Variants in WDR33 observed in about 807,000 individuals in gnomAD.
WDR33 encodes the protein pre-mRNA 3' end processing protein WDR33.
A neutral mutation model predicts 164.9 loss-of-function variants in WDR33; 47 were observed. That is an observed-to-expected ratio of 0.29 (90% CI 0.23 to 0.36). WDR33 has a LOEUF of 0.36. Among genes scored for constraint, WDR33 ranks in the 10% least tolerant of loss-of-function variants. WDR33 has a pLI of 1.00. For synonymous variants in WDR33, 505 were observed against 589.0 expected, an observed-to-expected ratio of 0.86 and a Z score of 2.06; for missense variants, 1,137 against 1,754.1, an observed-to-expected ratio of 0.65 and a Z score of 6.28.
In WDR33 at chr2:127,701,900, G is replaced by A; in HGVS notation, c.*4423C>T. 6.9e-7 allele frequency: 1 copy of A among 1,454,394 alleles called. No homozygotes were observed. The highest frequency in any genetic ancestry group is 9.0e-7 in the Non-Finnish European group (1 of 1,109,686). 90.1% of individuals were successfully genotyped at this position (1,454,394 alleles called of 1,614,324 possible). ...CGGCGCTGGCGTTGGCGGGAAGCGC[G>A]CTGCTGCGGGGCGGCGCGGCGTGCG... On this transcript the variant is annotated 3_prime_UTR_variant, in exon 22 of 22. Transcript: ENST00000322313.
Position 127,706,212 on chromosome 2 carries a change from A to G in WDR33, c.*111T>C. ...GGGTTCCTGGGATTCAGGTGCCCAG[A>G]AAAGAGTTCAGGGCTACAATGGTGC... On this transcript the variant is annotated 3_prime_UTR_variant, in exon 22 of 22. Transcript: ENST00000322313. The surrounding 1 kb of genome is among the most constrained non-coding windows in gnomAD (Gnocchi z 5.1). 9.7e-7 allele frequency: 1 copy of G among 1,028,066 alleles called. No homozygotes were observed. The highest frequency in any genetic ancestry group is 1.3e-6 in the Non-Finnish European group (1 of 743,996). 63.7% of individuals were successfully genotyped at this position (1,028,066 alleles called of 1,614,324 possible).
intron 7 of WDR33, among the ~76,000 whole-genome samples, chr2:127,731,728 T>C (rs899416343): frequency 2.0e-5 from 3 of 152,304 alleles, no homozygotes; most frequent in Middle Eastern, 6.8e-3. Flanking sequence ...TAGATTAGAA[T>C]GTATTTATTT....
chr2:127,798,987 A>G (rs1689144172), intron 1 of WDR33: 1 of 152,014 alleles, frequency 6.6e-6, no homozygotes, highest in South Asian at 2.1e-4. Flanking sequence ...ACCCACTACC[A>G]TCGGACCAGC....
In WDR33 at chr2:127,724,841, G is replaced by A. The variant is rs1558925304; in HGVS notation, c.1085+46C>T. 1.9e-6 allele frequency: 3 copies of A among 1,586,668 alleles called. No homozygotes were observed. Among genetic ancestry groups the A allele is most frequent in the South Asian group, 1.1e-5 (1 of 90,496 alleles). On this transcript the variant is annotated intron_variant, in intron 10 of 21. Coordinates refer to ENST00000322313, the MANE Select transcript of WDR33 (RefSeq NM_018383.5). The surrounding 1 kb of genome is among the most constrained non-coding windows in gnomAD (Gnocchi z 4.8). The stretch of plus-strand genomic sequence containing the variant: ...CTATCATGTCTGCACACATTCACGT[G>A]CTCTCTTCACAAAATACACTACTTT...
rs1385062281 is a variant in WDR33, at chr2:127,763,340, C to G, written c.627-181G>C. 1 of 1,421,240 alleles carries G rather than the reference C, an allele frequency of 7.0e-7. No homozygotes were observed. The highest frequency in any genetic ancestry group is 9.2e-7 in the Non-Finnish European group (1 of 1,089,682). The allele number at this position is 1,421,240 out of a possible 1,614,324, so 88.0% of individuals were successfully genotyped here. A position where few individuals can be genotyped will look rare whatever the true frequency, so the allele number is the denominator to read the frequency against. On this transcript the variant is annotated intron_variant, in intron 6 of 21. Transcript: ENST00000322313. This position sits in a 1 kb window ranked among gnomAD's most constrained non-coding sequence, Gnocchi z 4.5. ...ACATAGGCATCTCATCAAAAGAAGA[C>G]TTCAACAGAGCAGTTGTTTGAGTTT...
chr2:127,755,195 C>T (rs1418685433), intron 7 of WDR33, among the ~76,000 whole-genome samples: 1 of 152,196 alleles, frequency 6.6e-6, no homozygotes, highest in African/African-American at 2.4e-5. Flanking sequence ...TTAAGTTTAA[C>T]ATCAAAATAT....
At chr2:127,788,193 A>G (rs866443411) in intron 1 of WDR33, among the ~76,000 whole-genome samples, 174 of 70,434 alleles carry the variant, frequency 2.5e-3, no homozygotes, top group Non-Finnish European at 2.8e-3. Flanking sequence ...GGCCGGGCGG[A>G]GGGCTGACCC....
At chr2:127,767,736 A>AAAATT (rs1280075482) in intron 4 of WDR33, among the ~76,000 whole-genome samples, 2 of 152,168 alleles carry the variant, frequency 1.3e-5, no homozygotes, top group Non-Finnish European at 2.9e-5. Flanking sequence ...AAAATAAAAT[A>AAAATT]AAATTTCAGT....
chr2:127,773,709 T>C (rs1688087026), intron 1 of WDR33, among the ~76,000 whole-genome samples: 2 of 152,202 alleles, frequency 1.3e-5, no homozygotes, highest in Admixed American at 6.5e-5. Context: ...CCAATTTCAA[T>C]TACCAGCTTC....
At chr2:127,742,672 AAAT>A (rs1180872935) in intron 7 of WDR33, among the ~76,000 whole-genome samples, 1 of 151,942 alleles carries the variant, frequency 6.6e-6, no homozygotes, top group Non-Finnish European at 1.5e-5. Flanking sequence ...ATGTAAGAAA[AAAT>A]AATACTAGAT....
At chr2:127,800,542 CAGG>C (rs1351609787) in intron 1 of WDR33, among the ~76,000 whole-genome samples, 1 of 149,868 alleles carries the variant, frequency 6.7e-6, no homozygotes, top group African/African-American at 2.5e-5. Context: ...GAGGCTGAGG[CAGG>C]AGAATGGCAT....
intron 7 of WDR33, among the ~76,000 whole-genome samples, chr2:127,756,051 T>C (rs1331499740): frequency 6.6e-6 from 1 of 152,092 alleles, no homozygotes; most frequent in Non-Finnish European, 1.5e-5. Context: ...CATAAAAAAG[T>C]GGCCAGGCAC....
chr2:127,733,949 G>A (rs1446883548), intron 7 of WDR33, among the ~76,000 whole-genome samples: 1 of 152,014 alleles, frequency 6.6e-6, no homozygotes, highest in East Asian at 1.9e-4. Context: ...GAGGGGGCCC[G>A]GATTTTCTTC....
At position 127,734,271 on chromosome 2, in the gene WDR33, A is replaced by G. The variant is rs191732937; in HGVS notation, c.725-7494T>C. On this transcript the variant is annotated intron_variant, in intron 7 of 21. Coordinates refer to ENST00000322313, the MANE Select transcript of WDR33 (RefSeq NM_018383.5). ...AAGAAATTCCAAATTAATCACACTG[A>G]GTTATTTTTAGATATTAAGCATTGA... 1.5e-4 allele frequency among the ~76,000 whole-genome samples: 23 copies of G among 152,326 alleles called. No homozygotes were observed. In the East Asian group the frequency reaches 4.2e-3, roughly 28 times the overall value.
Position 127,726,085 on chromosome 2 carries a change from A to G in WDR33, c.851+566T>C, listed in dbSNP as rs896246171. On this transcript the variant is annotated intron_variant, in intron 8 of 21. Coordinates refer to ENST00000322313, the MANE Select transcript of WDR33 (RefSeq NM_018383.5). The surrounding 1 kb of genome is among the most constrained non-coding windows in gnomAD (Gnocchi z 4.8). ...TTGCTCCAACCAATTCACTCTGAAT[A>G]TGGTTCTCTTCCCAATCAGAAAGAC... Among the ~76,000 whole-genome samples, 1 of 152,334 alleles carries G rather than the reference A, an allele frequency of 6.6e-6. No homozygotes were observed. The highest frequency in any genetic ancestry group is 3.4e-3 in the Middle Eastern group (1 of 294).
In WDR33 at chr2:127,708,581, C is replaced by T. The variant is rs983981563; in HGVS notation, c.3781+96G>A. ...CCACATTTAGGAGCATGTGCCTCTG[C>T]ACAGCCCAGGCTGCAAGGGCATGTG... On this transcript the variant is annotated intron_variant, in intron 21 of 21. Transcript: ENST00000322313. The surrounding 1 kb of genome is among the most constrained non-coding windows in gnomAD (Gnocchi z 6.7). 27 of 1,378,720 alleles carry T rather than the reference C, an allele frequency of 2.0e-5. No homozygotes were observed. In the African/African-American group the frequency reaches 2.6e-4, roughly 13 times the overall value. The allele number at this position is 1,378,720 out of a possible 1,614,324, so 85.4% of individuals were successfully genotyped here. A position where few individuals can be genotyped will look rare whatever the true frequency, so the allele number is the denominator to read the frequency against.
At chr2:127,739,350 C>G (rs867481596) in intron 7 of WDR33, among the ~76,000 whole-genome samples, 4 of 152,104 alleles carry the variant, frequency 2.6e-5, no homozygotes, top group African/African-American at 9.7e-5. Context: ...ATTTCCCCCC[C>G]GTAAGAAGAG....
chr2:127,708,348 G>C lies in WDR33; in HGVS notation c.3781+329C>G, dbSNP rs1414666188. Among the ~76,000 whole-genome samples, 5 of 152,216 alleles carry C rather than the reference G, an allele frequency of 3.3e-5. No individual in the cohort carries two copies. The highest frequency in any genetic ancestry group is 2.6e-4 in the Admixed American group (4 of 15,286). The stretch of plus-strand genomic sequence containing the variant: ...GACAACTCTTCCCCTCCCACTGAGA[G>C]CCCTTGAGGGTTCCAAGCAGCCTTG... On this transcript the variant is annotated intron_variant, in intron 21 of 21. Coordinates refer to ENST00000322313, the MANE Select transcript of WDR33 (RefSeq NM_018383.5). This position sits in a 1 kb window ranked among gnomAD's most constrained non-coding sequence, Gnocchi z 6.7.
At position 127,704,186 on chromosome 2, in the gene WDR33, TC is replaced by T. The variant is rs763604884; in HGVS notation, c.*2136del. 7 of 166,190 alleles carry T rather than the reference TC, an allele frequency of 4.2e-5. No homozygotes were observed. The highest frequency in any genetic ancestry group is 1.3e-4 in the Admixed American group (2 of 15,100). 10.3% of individuals were successfully genotyped at this position (166,190 alleles called of 1,614,324 possible). The stretch of plus-strand genomic sequence containing the variant: ...TTTTTATAAGCTTCAAATCACAACA[TC>T]TAGTATGTATGCTGACAGTGATGTT... On this transcript the variant is annotated 3_prime_UTR_variant, in exon 22 of 22. Transcript: ENST00000322313.
Sources: allele counts gnomAD v4.1 joint callset (sites outside exome capture counted in the v4.1 genomes callset), GRCh38; gene constraint gnomAD v4.1.1; non-coding constraint Gnocchi (gnomAD v3.1); transcripts MANE v1.5; gene names NCBI Gene and HGNC (gene_info 2026-07-23, HGNC 2026-07-21).